The following PRDM6 variants were observed in gnomAD, a reference collection of about 807,000 sequenced individuals.
PRDM6 encodes PR/SET domain 6, also known as putative histone-lysine N-methyltransferase PRDM6.
In PRDM6, 25 loss-of-function variants were observed where a neutral mutation model predicts 60.8. The observed-to-expected ratio is 0.41, with a 90% CI of 0.30 to 0.57. The LOEUF (loss-of-function observed/expected upper bound fraction) is 0.57, where lower values mean the gene tolerates loss of function less well. PRDM6 is among the 20% of genes least tolerant of loss of function. The pLI, the probability that PRDM6 is intolerant of heterozygous loss-of-function variation, is 0.27. For missense variants in PRDM6, 839 were observed against 821.3 expected, an observed-to-expected ratio of 1.02 and a Z score of -0.26; for synonymous variants, 407 against 357.4, an observed-to-expected ratio of 1.14 and a Z score of -1.57.
At chr5:123,153,862 A>G (rs479546) in intron 3 of PRDM6, among the ~76,000 whole-genome samples, 81,323 of 151,834 alleles carry the variant, frequency 0.54, 21,846 homozygotes, top group East Asian at 0.59. Flanking sequence ...TAGTGGCTTC[A>G]TGCACAAAGG....
At chr5:123,175,165 C>T (rs1305234229) in intron 6 of PRDM6, among the ~76,000 whole-genome samples, 1 of 152,232 alleles carries the variant, frequency 6.6e-6, no homozygotes, top group Non-Finnish European at 1.5e-5. Context: ...AGCCTTCAAT[C>T]ACAATGGATT....
At chr5:123,164,948 C>G (rs1474618718) in intron 5 of PRDM6, among the ~76,000 whole-genome samples, 4 of 152,252 alleles carry the variant, frequency 2.6e-5, no homozygotes, top group African/African-American at 9.6e-5. Context: ...GTTCCCTTGC[C>G]TCAAACCAGG....
At chr5:123,176,816 A>G (rs1336589369) in intron 6 of PRDM6, among the ~76,000 whole-genome samples, 1 of 152,242 alleles carries the variant, frequency 6.6e-6, no homozygotes, top group East Asian at 1.9e-4. Flanking sequence ...TCAGTTCTTA[A>G]GAGTGTCTCC....
At chr5:123,119,466 C>G (rs919476265) in intron 3 of PRDM6, among the ~76,000 whole-genome samples, 17 of 152,178 alleles carry the variant, frequency 1.1e-4, no homozygotes, top group Non-Finnish European at 2.4e-4. Flanking sequence ...CTGCCACCTT[C>G]AGGGCGGCTC....
Position 123,170,911 on chromosome 5 carries a change from G to T in PRDM6, c.1299G>T (p.Leu433=). 6.4e-7 allele frequency: 1 copy of T among 1,552,112 alleles called. No homozygotes were observed. Among genetic ancestry groups the T allele is most frequent in the Non-Finnish European group, 8.7e-7 (1 of 1,147,088 alleles). The change falls in exon 6 of 8, where the codon CTG becomes CTT. Residue 433 remains leucine (L), a synonymous_variant. Coordinates refer to ENST00000407847, the MANE Select transcript of PRDM6 (RefSeq NM_001136239.4). Reference sequence around the variant, plus strand: ...CGTGCAGCAGGAACTTCTCTCTTCTGGATAAGTCTGGGCCCATTGAATCAG... The same window carrying T: ...CGTGCAGCAGGAACTTCTCTCTTCTTGATAAGTCTGGGCCCATTGAATCAG... ...QTPCSRNFSL[L]DKSGPIESGF... is the part of the protein sequence containing the mutation.
At chr5:123,147,588 C>A (rs1213493855) in intron 3 of PRDM6, among the ~76,000 whole-genome samples, 1 of 152,144 alleles carries the variant, frequency 6.6e-6, no homozygotes, top group Non-Finnish European at 1.5e-5. Flanking sequence ...AAATTTTTTT[C>A]ACAGCAGGGC....
intron 3 of PRDM6, among the ~76,000 whole-genome samples, chr5:123,111,029 C>G (rs776603634): frequency 6.6e-6 from 1 of 152,012 alleles, no homozygotes; most frequent in Non-Finnish European, 1.5e-5. Context: ...TGAACTTCAG[C>G]AAAGCTATTC....
At chr5:123,125,990 A>T (rs73296906) in intron 3 of PRDM6, among the ~76,000 whole-genome samples, 4,877 of 151,248 alleles carry the variant, frequency 0.032, 270 homozygotes, top group African/African-American at 0.11. Flanking sequence ...TGTTGTGCTT[A>T]TATGTGTGTG....
At chr5:123,179,606 C>A (rs1402243807) in intron 6 of PRDM6, among the ~76,000 whole-genome samples, 1 of 152,200 alleles carries the variant, frequency 6.6e-6, no homozygotes. Flanking sequence ...GTCCAAACAT[C>A]CTAGAACGGC....
chr5:123,108,508 A>G (rs1363010624), intron 3 of PRDM6, among the ~76,000 whole-genome samples: 1 of 152,162 alleles, frequency 6.6e-6, no homozygotes, highest in African/African-American at 2.4e-5. Flanking sequence ...TCCCAAACTA[A>G]TATTAAAATT....
intron 7 of PRDM6, among the ~76,000 whole-genome samples, chr5:123,182,178 G>T (rs1383229719): frequency 6.6e-6 from 1 of 152,220 alleles, no homozygotes; most frequent in Non-Finnish European, 1.5e-5. Context: ...GGCTACCACA[G>T]TCCTAGGAGT....
chr5:123,139,952 T>C (rs1157114605), intron 3 of PRDM6, among the ~76,000 whole-genome samples: 1 of 152,110 alleles, frequency 6.6e-6, no homozygotes, highest in African/African-American at 2.4e-5. Context: ...GATTTGTTTG[T>C]AGAAAAGATG....
At chr5:123,142,163 C>A (rs374900865) in intron 3 of PRDM6, among the ~76,000 whole-genome samples, 1 of 152,080 alleles carries the variant, frequency 6.6e-6, no homozygotes, top group African/African-American at 2.4e-5. Context: ...TTTTTATATA[C>A]TTGAAATGGT....
chr5:123,103,752 G>A (rs748138867), intron 3 of PRDM6, among the ~76,000 whole-genome samples: 18 of 151,930 alleles, frequency 1.2e-4, no homozygotes, highest in Non-Finnish European at 2.2e-4. Context: ...AATTCTACTG[G>A]AATAAAATAC....
At chr5:123,116,424 C>A (rs1320554834) in intron 3 of PRDM6, among the ~76,000 whole-genome samples, 1 of 152,200 alleles carries the variant, frequency 6.6e-6, no homozygotes, top group Non-Finnish European at 1.5e-5. Flanking sequence ...CAGAGAGGAG[C>A]TGGTTTGCAA....
intron 2 of PRDM6, among the ~76,000 whole-genome samples, chr5:123,096,649 CTT>C (rs1205754659): frequency 2.0e-5 from 3 of 152,186 alleles, no homozygotes; most frequent in East Asian, 3.8e-4. Context: ...AGTTGATTGA[CTT>C]TGTCTAGCCT....
intron 5 of PRDM6, among the ~76,000 whole-genome samples, chr5:123,168,899 C>A (rs1263222627): frequency 6.6e-6 from 1 of 152,244 alleles, no homozygotes; most frequent in Non-Finnish European, 1.5e-5. Flanking sequence ...CATGGCATCT[C>A]CCTGTCCACT....
chr5:123,138,476 C>T (rs2126858307), intron 3 of PRDM6, among the ~76,000 whole-genome samples: 1 of 152,284 alleles, frequency 6.6e-6, no homozygotes, highest in Non-Finnish European at 1.5e-5. Context: ...AGTGTGTACA[C>T]AAAGGTAAAA....
At chr5:123,185,911 G>A (rs1457328152) in intron 7 of PRDM6, among the ~76,000 whole-genome samples, 1 of 152,350 alleles carries the variant, frequency 6.6e-6, no homozygotes, top group Admixed American at 6.5e-5. Flanking sequence ...CTATGTCATG[G>A]TGGCTTTTGC....
Sources: allele counts gnomAD v4.1 joint callset (sites outside exome capture counted in the v4.1 genomes callset), GRCh38; gene constraint gnomAD v4.1.1; transcripts MANE v1.5; gene names NCBI Gene and HGNC (gene_info 2026-07-23, HGNC 2026-07-21).